The following DOCK1 variants were observed in gnomAD, a reference collection of about 807,000 sequenced individuals.
The protein encoded by DOCK1 is dedicator of cytokinesis 1.
DOCK1 carries 138 observed loss-of-function variants against 262.7 expected under a neutral mutation model. That is an observed-to-expected ratio of 0.53 (90% confidence interval 0.46 to 0.61). The LOEUF (loss-of-function observed/expected upper bound fraction) is 0.61, where lower values mean the gene tolerates loss of function less well. Ranked by LOEUF, DOCK1 falls within the 20% of genes least tolerant of loss-of-function variation. The pLI, the probability that DOCK1 is intolerant of heterozygous loss-of-function variation, is 0.00. For synonymous variants in DOCK1, 866 were observed against 867.4 expected, an observed-to-expected ratio of 1.00 and a Z score of 0.03; for missense variants, 1,908 against 2,370.7, an observed-to-expected ratio of 0.80 and a Z score of 4.05.
chr10:127,271,724 G>A (rs932497809), intron 29 of DOCK1, among the ~76,000 whole-genome samples: 2 of 152,202 alleles, frequency 1.3e-5, no homozygotes, highest in African/African-American at 4.8e-5. Flanking sequence ...CAGTGACTGT[G>A]TAACTGCTGG....
At chr10:127,404,695 A>G (rs1163499289) in intron 40 of DOCK1, among the ~76,000 whole-genome samples, 1 of 152,180 alleles carries the variant, frequency 6.6e-6, no homozygotes, top group African/African-American at 2.4e-5. Context: ...GTGATATATG[A>G]TATGTGATAC....
At chr10:127,038,713 G>A (rs12358915) in intron 19 of DOCK1, among the ~76,000 whole-genome samples, 7,824 of 149,538 alleles carry the variant, frequency 0.052, 235 homozygotes, top group Middle Eastern at 0.072. Context: ...ATCTTTATCT[G>A]TGAGAGAGGG....
intron 27 of DOCK1, chr10:127,137,550 G>A (rs1210306748): frequency 3.2e-6 from 1 of 316,384 alleles, no homozygotes; most frequent in Admixed American, 4.5e-5. Flanking sequence ...TGCAGATCGG[G>A]GGTGGGGGAA....
rs1027675265 is a variant in DOCK1 at position 127,175,571 on chromosome 10, G to A, written c.2847+47807G>A. The A allele has an allele frequency of 1.9e-6, 3 of 1,611,792 alleles. No individual in the cohort carries two copies. Among genetic ancestry groups the A allele is most frequent in the African/African-American group, 1.3e-5 (1 of 74,910 alleles). The stretch of plus-strand genomic sequence containing the variant: ...CCGGGCAGAGTGACCACTGGCTGGC[G>A]GCTGCAGAGTCTGACAAACCAGGCT... On this transcript the variant is annotated intron_variant, in intron 27 of 51. Transcript: ENST00000623213. The surrounding 1 kb of genome is among the most constrained non-coding windows in gnomAD (Gnocchi z 6.3).
chr10:127,342,650 T>C (rs1184122240), intron 30 of DOCK1, among the ~76,000 whole-genome samples: 1 of 152,222 alleles, frequency 6.6e-6, no homozygotes, highest in Admixed American at 6.5e-5. Flanking sequence ...CAATATAATG[T>C]TCACACTTTA....
intron 44 of DOCK1, among the ~76,000 whole-genome samples, chr10:127,418,129 GCA>G (rs1306553705): frequency 3.9e-5 from 6 of 152,248 alleles, no homozygotes; most frequent in East Asian, 1.9e-4. Context: ...ATAGCCACAT[GCA>G]CACACACAGC....
chr10:127,430,958 C>T (rs972994358), intron 47 of DOCK1, among the ~76,000 whole-genome samples: 24 of 152,312 alleles, frequency 1.6e-4, no homozygotes, highest in Admixed American at 1.0e-3. Flanking sequence ...TTTGCTCAGG[C>T]GGTGAAGACA....
intron 27 of DOCK1, among the ~76,000 whole-genome samples, chr10:127,213,066 C>G (rs548430930): frequency 2.2e-4 from 33 of 152,160 alleles, no homozygotes; most frequent in Admixed American, 1.0e-3. Context: ...TCAGTAATGT[C>G]GACAGCTTGC....
intron 14 of DOCK1, among the ~76,000 whole-genome samples, chr10:127,024,329 G>A (rs1437658713): frequency 6.6e-6 from 1 of 152,184 alleles, no homozygotes; most frequent in Non-Finnish European, 1.5e-5. Context: ...AAGGGGAGGG[G>A]AGGGTTCCCA....
chr10:126,959,737 G>T (rs1205714477), intron 1 of DOCK1, among the ~76,000 whole-genome samples: 1 of 152,184 alleles, frequency 6.6e-6, no homozygotes, highest in Non-Finnish European at 1.5e-5. Flanking sequence ...GGACATAGGG[G>T]TTGGATCTCC....
intron 35 of DOCK1, among the ~76,000 whole-genome samples, chr10:127,374,628 A>C (rs2065385724): frequency 6.6e-6 from 1 of 152,218 alleles, no homozygotes; most frequent in Non-Finnish European, 1.5e-5. Context: ...ATTTGGAAAC[A>C]AGAGGCCCTG....
At chr10:127,370,710 A>G (rs2065160840) in intron 33 of DOCK1, among the ~76,000 whole-genome samples, 1 of 152,230 alleles carries the variant, frequency 6.6e-6, no homozygotes, top group Non-Finnish European at 1.5e-5. Flanking sequence ...TTGAATTAAC[A>G]AGACGTCAAT....
At chr10:127,316,750 G>A (rs535424480) in intron 29 of DOCK1, among the ~76,000 whole-genome samples, 2 of 152,174 alleles carry the variant, frequency 1.3e-5, no homozygotes, top group East Asian at 1.9e-4. Context: ...CAGACAAGGC[G>A]GACCACAGAG....
In DOCK1 at chr10:127,446,682, T is replaced by G. The variant is rs1254851361; in HGVS notation, c.5414-712T>G. ...AGAGACTCATCAGTAAAAATGTCCA[T>G]TTTTCTCTCTTTAATATAAAAGAAA... On this transcript the variant is annotated intron_variant, in intron 50 of 51. Coordinates refer to ENST00000623213, the MANE Select transcript of DOCK1 (RefSeq NM_001290223.2). This position sits in a 1 kb window ranked among gnomAD's most constrained non-coding sequence, Gnocchi z 4.4. Among the ~76,000 whole-genome samples, 1 of 152,178 alleles carries G rather than the reference T, an allele frequency of 6.6e-6. No homozygotes were observed. The highest frequency in any genetic ancestry group is 1.5e-5 in the Non-Finnish European group (1 of 68,030).
intron 23 of DOCK1, among the ~76,000 whole-genome samples, chr10:127,066,569 T>C (rs2045888656): frequency 6.6e-6 from 1 of 152,060 alleles, no homozygotes; most frequent in Non-Finnish European, 1.5e-5. Context: ...CTCCAAGCCT[T>C]TTTCCCTCGT....
intron 38 of DOCK1, chr10:127,402,654 C>T (rs1452258653): frequency 1.9e-6 from 1 of 520,134 alleles, no homozygotes. Context: ...AGTCAGGCGC[C>T]CAGTTTCTAC....
chr10:127,435,981 A>G (rs2134683510), intron 48 of DOCK1, among the ~76,000 whole-genome samples: 1 of 152,346 alleles, frequency 6.6e-6, no homozygotes, highest in Non-Finnish European at 1.5e-5. Flanking sequence ...CTTCTCCCTG[A>G]GCTAAACAGC....
At chr10:126,908,373 G>A (rs1470647906) in intron 1 of DOCK1, among the ~76,000 whole-genome samples, 1 of 152,200 alleles carries the variant, frequency 6.6e-6, no homozygotes, top group Non-Finnish European at 1.5e-5. Flanking sequence ...CTTAACAACA[G>A]GGCTGTGTTT....
chr10:127,361,140 G>T, intron 32 of DOCK1, among the ~76,000 whole-genome samples: 1 of 122,254 alleles, frequency 8.2e-6, no homozygotes, highest in Non-Finnish European at 1.6e-5. Context: ...TTGAGACAGA[G>T]TCTTGCTCTG....
Sources: gnomAD v4.1 joint callset for allele counts (sites outside exome capture counted in the v4.1 genomes callset) on GRCh38, gnomAD v4.1.1 for gene constraint, Gnocchi (gnomAD v3.1) non-coding constraint, MANE v1.5 for transcripts, NCBI Gene and HGNC (gene_info 2026-07-23, HGNC 2026-07-21) for gene names.